The following GPATCH2 variants were observed in gnomAD, a reference collection of about 807,000 sequenced individuals.
The protein encoded by GPATCH2 is G-patch domain containing 2.
Under a neutral mutation model 58.0 loss-of-function variants are expected in GPATCH2, and 51 were observed. The observed-to-expected ratio is 0.88, with a 90% CI of 0.70 to 1.11. The LOEUF is 1.11. Among genes scored for constraint, GPATCH2 ranks in the 50% most tolerant of loss-of-function variants. GPATCH2 has a pLI of 0.00. For missense variants in GPATCH2, 625 were observed against 652.2 expected, an observed-to-expected ratio of 0.96 and a Z score of 0.45; for synonymous variants, 222 against 218.5, an observed-to-expected ratio of 1.02 and a Z score of -0.14.
chr1:217,516,887 A>C (rs1377847175), intron 5 of GPATCH2, among the ~76,000 whole-genome samples: 1 of 152,338 alleles, frequency 6.6e-6, no homozygotes, highest in East Asian at 1.9e-4. Context: ...CTTATGGAAA[A>C]ATGTTTAAGT....
At position 217,620,058 on chromosome 1, in the gene GPATCH2, G is replaced by A. The variant is rs1291665179; in HGVS notation, c.498C>T (p.Arg166=). Residue 166 remains arginine, a synonymous_variant, in exon 2 of 10, where the codon CGC becomes CGT. Coordinates refer to ENST00000366935, the MANE Select transcript of GPATCH2 (RefSeq NM_018040.5). The stretch of plus-strand genomic sequence containing the variant: ...TGTCCTGTGGGAGATCTACTGCCAT[G>A]CGTTTTACCTTTCTCCTCCTGCGCA... ...RTLRRRRKVK[R]MAVDLPQDIS... 6.8e-6 allele frequency: 11 copies of A among 1,613,960 alleles called. No homozygotes were observed. The African/African-American group carries it at 8.0e-5, about 12-fold the overall frequency.
intron 6 of GPATCH2, among the ~76,000 whole-genome samples, chr1:217,503,290 G>A (rs1662392774): frequency 6.6e-6 from 1 of 152,080 alleles, no homozygotes; most frequent in Admixed American, 6.6e-5. Flanking sequence ...AAAAAGTGAC[G>A]TAGGAAGAAA....
chr1:217,590,776 T>C (rs1667557531), intron 5 of GPATCH2, among the ~76,000 whole-genome samples: 1 of 152,222 alleles, frequency 6.6e-6, no homozygotes, highest in African/African-American at 2.4e-5. Flanking sequence ...TGATAATAGT[T>C]CCTTTACAGT....
At chr1:217,574,427 G>T (rs1666710467) in intron 5 of GPATCH2, among the ~76,000 whole-genome samples, 1 of 152,136 alleles carries the variant, frequency 6.6e-6, no homozygotes, top group South Asian at 2.1e-4. Flanking sequence ...ACTAGTTTAA[G>T]TCCAGGGAGT....
At position 217,523,419 on chromosome 1, in the gene GPATCH2, A is replaced by G. The variant is rs1166443458; in HGVS notation, c.1099-8530T>C. 1.3e-5 allele frequency among the ~76,000 whole-genome samples: 2 copies of G among 151,572 alleles called. 1 individual carries two copies. Among genetic ancestry groups the G allele is most frequent in the African/African-American group, 4.9e-5 (2 of 40,914 alleles). Reference sequence around the variant, plus strand: ...TCAAGCGTCTGTTTAACAAGGCACAACTTGCACCGCCCTTAATCCATTTAA... The same window carrying G: ...TCAAGCGTCTGTTTAACAAGGCACAGCTTGCACCGCCCTTAATCCATTTAA... On this transcript the variant is annotated intron_variant, in intron 5 of 9. Transcript: ENST00000366935.
chr1:217,625,617 C>G (rs1041149246), intron 1 of GPATCH2, among the ~76,000 whole-genome samples: 10 of 152,068 alleles, frequency 6.6e-5, no homozygotes, highest in African/African-American at 2.4e-4. Flanking sequence ...ATTTCCTTGC[C>G]TAGATGCTGA....
chr1:217,441,493 G>C (rs1659139067), intron 9 of GPATCH2, among the ~76,000 whole-genome samples: 1 of 152,108 alleles, frequency 6.6e-6, no homozygotes, highest in Non-Finnish European at 1.5e-5. Context: ...AGCCAAAATT[G>C]ACAAATGGGA....
chr1:217,497,440 A>C (rs1662066189), intron 7 of GPATCH2, among the ~76,000 whole-genome samples: 2 of 152,170 alleles, frequency 1.3e-5, no homozygotes, highest in Non-Finnish European at 2.9e-5. Context: ...TATTTCTATT[A>C]AGCTTATGTG....
At chr1:217,628,278 T>C (rs764334932) in intron 1 of GPATCH2, among the ~76,000 whole-genome samples, 13 of 152,068 alleles carry the variant, frequency 8.5e-5, no homozygotes, top group Admixed American at 2.0e-4. Flanking sequence ...AATTTTCTGC[T>C]ACATTAACAA....
intron 8 of GPATCH2, among the ~76,000 whole-genome samples, chr1:217,481,387 A>G (rs1661205529): frequency 6.6e-6 from 1 of 152,234 alleles, no homozygotes; most frequent in Admixed American, 6.5e-5. Flanking sequence ...GTAATACTAG[A>G]AATACAGAGG....
chr1:217,624,405 C>T (rs1335325451), intron 1 of GPATCH2, among the ~76,000 whole-genome samples: 2 of 152,218 alleles, frequency 1.3e-5, no homozygotes, highest in African/African-American at 4.8e-5. Flanking sequence ...GTAATCTCAG[C>T]TACTCAGGAG....
chr1:217,558,488 A>G (rs554219102), intron 5 of GPATCH2, among the ~76,000 whole-genome samples: 4 of 152,206 alleles, frequency 2.6e-5, no homozygotes, highest in South Asian at 2.1e-4. Flanking sequence ...CATGCATCCA[A>G]CTGATTACGA....
rs80143451 is a variant in GPATCH2, at chr1:217,598,077, C to T, written c.1098+12244G>A. On this transcript the variant is annotated intron_variant, in intron 5 of 9. Coordinates refer to ENST00000366935, the MANE Select transcript of GPATCH2 (RefSeq NM_018040.5). ...GTTACACTGGCAATATAACTAGTGGCGGAAAACTGCCTATAAAACATAGGG... is the reference window on the plus strand; with the variant it reads ...GTTACACTGGCAATATAACTAGTGGTGGAAAACTGCCTATAAAACATAGGG... 1.3e-3 allele frequency among the ~76,000 whole-genome samples: 195 copies of T among 152,122 alleles called. 4 individuals are homozygous for T. In the East Asian group the frequency reaches 0.033, roughly 26 times the overall value.
chr1:217,488,799 C>T (rs1661573031), intron 8 of GPATCH2, among the ~76,000 whole-genome samples: 1 of 151,924 alleles, frequency 6.6e-6, no homozygotes, highest in Non-Finnish European at 1.5e-5. Context: ...TCAAGTAGTC[C>T]TCCTGCCTCA....
At chr1:217,512,754 T>C (rs1662916309) in intron 6 of GPATCH2, among the ~76,000 whole-genome samples, 1 of 152,222 alleles carries the variant, frequency 6.6e-6, no homozygotes, top group Non-Finnish European at 1.5e-5. Context: ...TCTGTGACTG[T>C]TTAGTTCCTT....
chr1:217,465,475 T>C (rs1480122197), intron 8 of GPATCH2, among the ~76,000 whole-genome samples: 2 of 152,210 alleles, frequency 1.3e-5, no homozygotes, highest in African/African-American at 2.4e-5. Context: ...TCAACTTGAA[T>C]TGTATCTCCC....
intron 5 of GPATCH2, among the ~76,000 whole-genome samples, chr1:217,538,328 A>T (rs1234521678): frequency 6.6e-6 from 1 of 152,182 alleles, no homozygotes; most frequent in Non-Finnish European, 1.5e-5. Context: ...AGATTTGCAG[A>T]TTCTGTAAAT....
At chr1:217,592,067 G>T (rs2102769674) in intron 5 of GPATCH2, among the ~76,000 whole-genome samples, 1 of 152,110 alleles carries the variant, frequency 6.6e-6, no homozygotes, top group East Asian at 1.9e-4. Flanking sequence ...GAACAAGAAA[G>T]ACTTGGAATT....
chr1:217,499,293 T>A lies in GPATCH2; in HGVS notation c.1167-898A>T, dbSNP rs77893526. Among the ~76,000 whole-genome samples, 901 of 152,264 alleles carry A rather than the reference T, an allele frequency of 5.9e-3. 11 individuals are homozygous for A. Among genetic ancestry groups the A allele is most frequent in the African/African-American group, 0.02 (844 of 41,526 alleles). ...CTCTATGTACTAAGCACGTGACATG[T>A]TTTATTTCCCATCTTCATAAAATCC... On this transcript the variant is annotated intron_variant, in intron 6 of 9. Transcript: ENST00000366935.
Sources: allele counts gnomAD v4.1 joint callset (sites outside exome capture counted in the v4.1 genomes callset), GRCh38; gene constraint gnomAD v4.1.1; transcripts MANE v1.5; gene names NCBI Gene and HGNC (gene_info 2026-07-23, HGNC 2026-07-21).